The following GLRA1 variants were observed in gnomAD, a reference collection of about 807,000 sequenced individuals.
The protein encoded by GLRA1 is glycine receptor subunit alpha-1.
Under a neutral mutation model 48.3 loss-of-function variants are expected in GLRA1, and 37 were observed. The ratio of observed to expected loss-of-function variants is 0.77; its 90% CI spans 0.59 to 1.01. The LOEUF is 1.01. Ranked by LOEUF, GLRA1 falls within the 50% of genes least tolerant of loss-of-function variation. GLRA1 has a pLI of 0.00. For missense variants in GLRA1, 427 were observed against 571.0 expected, an observed-to-expected ratio of 0.75 and a Z score of 2.57; for synonymous variants, 196 against 210.7, an observed-to-expected ratio of 0.93 and a Z score of 0.60.
chr5:151,863,346 C>G (rs1753252355), intron 3 of GLRA1, among the ~76,000 whole-genome samples: 1 of 152,096 alleles, frequency 6.6e-6, no homozygotes, highest in South Asian at 2.1e-4. Context: ...CACCTGAACC[C>G]AGGGAGGTCC....
intron 7 of GLRA1, among the ~76,000 whole-genome samples, chr5:151,834,394 T>G (rs1401794437): frequency 2.0e-5 from 3 of 151,972 alleles, no homozygotes; most frequent in Non-Finnish European, 4.4e-5. Flanking sequence ...ATAACGAAAT[T>G]AAGGCAGAAA....
chr5:151,827,603 A>T (rs982832449), intron 8 of GLRA1, among the ~76,000 whole-genome samples: 2 of 152,196 alleles, frequency 1.3e-5, no homozygotes, highest in Admixed American at 1.3e-4. Context: ...TACTAAAGAA[A>T]ACTAAAGAGG....
At chr5:151,924,114 C>G (rs912213524) in intron 1 of GLRA1, among the ~76,000 whole-genome samples, 1 of 152,114 alleles carries the variant, frequency 6.6e-6, no homozygotes, top group African/African-American at 2.4e-5. Flanking sequence ...AGAATGCAGT[C>G]CTAATTAAAC....
At chr5:151,854,604 C>T (rs551986806) in intron 6 of GLRA1, among the ~76,000 whole-genome samples, 86 of 152,360 alleles carry the variant, frequency 5.6e-4, no homozygotes, top group Admixed American at 2.0e-3. Context: ...TCATAGCTCA[C>T]AGGCAAGTGA....
chr5:151,915,110 A>C (rs1176099176), intron 1 of GLRA1, among the ~76,000 whole-genome samples: 1 of 152,164 alleles, frequency 6.6e-6, no homozygotes, highest in Admixed American at 6.5e-5. Flanking sequence ...TAAAATGGGG[A>C]TAGGATAGTA....
intron 1 of GLRA1, among the ~76,000 whole-genome samples, chr5:151,915,401 G>T (rs888612916): frequency 1.3e-5 from 2 of 152,234 alleles, no homozygotes; most frequent in East Asian, 3.9e-4. Context: ...TCTACTTGGA[G>T]AAATACCACA....
At chr5:151,914,562 C>G (rs59822852) in intron 1 of GLRA1, among the ~76,000 whole-genome samples, 2,473 of 152,276 alleles carry the variant, frequency 0.016, 88 homozygotes, top group African/African-American at 0.057. Flanking sequence ...TAAAAATTCT[C>G]TTCTTGGGCC....
chr5:151,887,898 A>G (rs75253108), intron 2 of GLRA1, among the ~76,000 whole-genome samples: 341 of 152,386 alleles, frequency 2.2e-3, no homozygotes, highest in African/African-American at 7.9e-3. Context: ...GACCTCAGAA[A>G]GGTGGTGGCC....
chr5:151,867,686 A>C (rs1182388026), intron 3 of GLRA1, among the ~76,000 whole-genome samples: 1 of 152,220 alleles, frequency 6.6e-6, no homozygotes, highest in Admixed American at 6.5e-5. Context: ...AAGTGCAGGG[A>C]GATTAAGTGC....
intron 1 of GLRA1, among the ~76,000 whole-genome samples, chr5:151,897,706 A>G (rs1754257012): frequency 6.6e-6 from 1 of 152,198 alleles, no homozygotes; most frequent in Non-Finnish European, 1.5e-5. Context: ...AGGACTATTT[A>G]GACACTCTTG....
chr5:151,886,916 C>T, intron 2 of GLRA1, 128 bp from the exon 3 acceptor site: 1 of 744,592 alleles, frequency 1.3e-6, no homozygotes, highest in Non-Finnish European at 2.5e-6. Flanking sequence ...GCTTGCTCTC[C>T]ACCCCACCCC....
intron 3 of GLRA1, among the ~76,000 whole-genome samples, chr5:151,866,052 A>G (rs552569979): frequency 1.3e-5 from 2 of 152,316 alleles, no homozygotes; most frequent in South Asian, 2.1e-4. Context: ...AGGAGCAGCA[A>G]TTGAATTCTC....
intron 7 of GLRA1, among the ~76,000 whole-genome samples, chr5:151,841,652 T>C (rs1236396588): frequency 6.6e-6 from 1 of 152,204 alleles, no homozygotes; most frequent in Non-Finnish European, 1.5e-5. Context: ...GGCATTATCA[T>C]TGACTTTACA....
At chr5:151,896,575 C>G (rs1482981295) in intron 1 of GLRA1, among the ~76,000 whole-genome samples, 1 of 152,102 alleles carries the variant, frequency 6.6e-6, no homozygotes, top group Non-Finnish European at 1.5e-5. Context: ...TGTGAACTAC[C>G]CGGTAATCCT....
chr5:151,844,731 T>C (rs191063039), intron 7 of GLRA1, among the ~76,000 whole-genome samples: 1 of 150,486 alleles, frequency 6.6e-6, no homozygotes, highest in East Asian at 2.0e-4. Context: ...CTTTTGAGCA[T>C]AAATGATACT....
At chr5:151,897,205 T>C (rs367618564) in intron 1 of GLRA1, among the ~76,000 whole-genome samples, 2 of 152,290 alleles carry the variant, frequency 1.3e-5, no homozygotes, top group African/African-American at 4.8e-5. Flanking sequence ...TGTCTATATT[T>C]AGACAGTACA....
chr5:151,838,880 A>T (rs1175380009), intron 7 of GLRA1, among the ~76,000 whole-genome samples: 1 of 152,178 alleles, frequency 6.6e-6, no homozygotes, highest in African/African-American at 2.4e-5. Flanking sequence ...CAAAGTCAGA[A>T]TCTTTTTTTT....
At chr5:151,858,856 A>G (rs1378657655) in intron 4 of GLRA1, among the ~76,000 whole-genome samples, 2 of 152,210 alleles carry the variant, frequency 1.3e-5, no homozygotes, top group African/African-American at 2.4e-5. Flanking sequence ...GCTCTTTGAA[A>G]TAAAAACATA....
In GLRA1 at chr5:151,849,616, G is replaced by A. The variant is rs139317279; in HGVS notation, c.912+1774C>T. The A allele has an allele frequency of 6.1e-4, 101 of 164,728 alleles. 1 individual carries two copies. Among genetic ancestry groups the A allele is most frequent in the Middle Eastern group, 6.0e-3 (2 of 332 alleles). The allele number at this position is 164,728 out of a possible 1,614,324, so 10.2% of individuals were successfully genotyped here. On this transcript the variant is annotated intron_variant, in intron 7 of 8. Transcript: ENST00000274576. ...TGCCCAGGCTGGAGTGCAATGGCAT[G>A]ATTTCAGCTCATTGCAACCTCGGCC...
Sources: allele counts gnomAD v4.1 joint callset (sites outside exome capture counted in the v4.1 genomes callset), GRCh38; gene constraint gnomAD v4.1.1; transcripts MANE v1.5; gene names NCBI Gene and HGNC (gene_info 2026-07-23, HGNC 2026-07-21).